Variants in NELL1 observed in about 807,000 individuals in gnomAD.
The protein encoded by NELL1 is protein kinase C-binding protein NELL1.
In NELL1, 76 loss-of-function variants were observed where a neutral mutation model predicts 107.4. That is an observed-to-expected ratio of 0.71 (90% CI 0.59 to 0.86). The LOEUF is 0.86. NELL1 is among the 40% of genes least tolerant of loss of function. NELL1 has a pLI of 0.00. For synonymous variants in NELL1, 353 were observed against 341.2 expected, an observed-to-expected ratio of 1.03 and a Z score of -0.38; for missense variants, 1,024 against 1,005.5, an observed-to-expected ratio of 1.02 and a Z score of -0.25.
intron 15 of NELL1, among the ~76,000 whole-genome samples, chr11:21,520,719 C>A (rs771009595): frequency 6.6e-6 from 1 of 152,108 alleles, no homozygotes; most frequent in Non-Finnish European, 1.5e-5. Flanking sequence ...CATCAGCACC[C>A]GCTTAAGATT....
intron 15 of NELL1, among the ~76,000 whole-genome samples, chr11:21,453,558 T>C (rs1590943931): frequency 6.6e-6 from 1 of 151,920 alleles, no homozygotes; most frequent in Non-Finnish European, 1.5e-5. Flanking sequence ...AATTAGGTCT[T>C]GTTTTTTTTT....
chr11:20,698,117 T>TATAACTTTG (rs1308097084), intron 2 of NELL1, among the ~76,000 whole-genome samples: 1 of 152,186 alleles, frequency 6.6e-6, no homozygotes, highest in Non-Finnish European at 1.5e-5. Flanking sequence ...TTGCATTTAA[T>TATAACTTTG]CAATTAGCCG....
At chr11:21,248,240 G>A (rs1044667168) in intron 14 of NELL1, among the ~76,000 whole-genome samples, 19 of 152,052 alleles carry the variant, frequency 1.2e-4, no homozygotes, top group Non-Finnish European at 2.1e-4. Context: ...CAGCTACTCA[G>A]GAGGCTGACA....
chr11:21,208,242 A>G (rs1565111555), intron 13 of NELL1, among the ~76,000 whole-genome samples: 2 of 151,988 alleles, frequency 1.3e-5, no homozygotes, highest in African/African-American at 4.8e-5. Context: ...AAAACCGTCT[A>G]TTCTTTAGTA....
intron 13 of NELL1, among the ~76,000 whole-genome samples, chr11:21,168,153 G>C (rs1369300553): frequency 3.3e-5 from 5 of 151,668 alleles, no homozygotes; most frequent in Admixed American, 3.3e-4. Flanking sequence ...ATAAGTGAAT[G>C]GTCTCCTAAA....
At chr11:21,491,294 A>G (rs1854801280) in intron 15 of NELL1, among the ~76,000 whole-genome samples, 2 of 152,068 alleles carry the variant, frequency 1.3e-5, no homozygotes, top group Non-Finnish European at 2.9e-5. Context: ...CTGAATGCTA[A>G]TGCCTAGATT....
chr11:21,489,177 A>G (rs990255406), intron 15 of NELL1, among the ~76,000 whole-genome samples: 1 of 152,030 alleles, frequency 6.6e-6, no homozygotes, highest in African/African-American at 2.4e-5. Context: ...CCCAAAACAT[A>G]GAGGAAATGG....
intron 14 of NELL1, among the ~76,000 whole-genome samples, chr11:21,267,189 C>G (rs1848652742): frequency 1.3e-5 from 2 of 151,926 alleles, no homozygotes; most frequent in African/African-American, 4.8e-5. Context: ...ATGAGGCTGT[C>G]CTTACAATCT....
chr11:21,125,451 A>C (rs1252043278), intron 13 of NELL1, among the ~76,000 whole-genome samples: 3 of 152,224 alleles, frequency 2.0e-5, no homozygotes, highest in African/African-American at 7.2e-5. Context: ...TCTTAAAAAA[A>C]AAGGATTATT....
At chr11:20,813,979 ATAAAT>A (rs1252440490) in intron 3 of NELL1, among the ~76,000 whole-genome samples, 1 of 151,322 alleles carries the variant, frequency 6.6e-6, no homozygotes, top group Non-Finnish European at 1.5e-5. Flanking sequence ...TTATTTATAA[ATAAAT>A]TTATTTATTT....
At position 20,783,810 on chromosome 11, in the gene NELL1, C is replaced by T. The variant is rs151036644; in HGVS notation, c.315C>T (p.Ser105=). The T allele has an allele frequency of 5.0e-6, 8 of 1,612,734 alleles. No individual in the cohort carries two copies. In the African/African-American group the frequency reaches 1.1e-4, roughly 22 times the overall value. Residue 105 remains serine, a synonymous_variant, in exon 3 of 20, where the codon TCC becomes TCT. Transcript: ENST00000357134. The part of the protein sequence containing the change: ...QKPSTSGVIL[S]IRELEHSYFE... ...CATCCACTTCAGGAGTGATACTGTC[C>T]ATTCGAGAACTGGAGCACAGGTAAG...
intron 12 of NELL1, among the ~76,000 whole-genome samples, chr11:20,981,982 T>C (rs199893046): frequency 1.3e-4 from 16 of 125,276 alleles, no homozygotes; most frequent in Admixed American, 6.0e-4. Flanking sequence ...CTCTCTCTCT[T>C]TCTCTCTCTT....
intron 15 of NELL1, among the ~76,000 whole-genome samples, chr11:21,462,556 A>G (rs1853924661): frequency 6.6e-6 from 1 of 152,080 alleles, no homozygotes; most frequent in African/African-American, 2.4e-5. Flanking sequence ...AACAGAGGAA[A>G]CTGTATTATC....
chr11:21,442,403 C>G (rs1489163331), intron 15 of NELL1, among the ~76,000 whole-genome samples: 1 of 152,072 alleles, frequency 6.6e-6, no homozygotes, highest in Admixed American at 6.6e-5. Context: ...TAATTTTCCA[C>G]CACCTGGCAC....
intron 14 of NELL1, among the ~76,000 whole-genome samples, chr11:21,350,315 A>G (rs1170808549): frequency 1.3e-5 from 2 of 152,086 alleles, no homozygotes; most frequent in Admixed American, 1.3e-4. Flanking sequence ...AGCACTAGTA[A>G]TGGCTAATAA....
chr11:20,921,046 C>T (rs1850366704), intron 7 of NELL1, among the ~76,000 whole-genome samples: 2 of 152,164 alleles, frequency 1.3e-5, no homozygotes, highest in Admixed American at 1.3e-4. Flanking sequence ...CATTGGCAAA[C>T]TTTTTCTGTA....
chr11:21,291,501 G>A (rs1056373406), intron 14 of NELL1, among the ~76,000 whole-genome samples: 1 of 152,076 alleles, frequency 6.6e-6, no homozygotes, highest in Non-Finnish European at 1.5e-5. Flanking sequence ...GGACAAAGAG[G>A]AGTTAGTACC....
In NELL1 at chr11:21,396,476, A is replaced by G. The variant is rs1851983733; in HGVS notation, c.1645+25528A>G. Among the ~76,000 whole-genome samples the G allele has an allele frequency of 2.6e-5, 4 of 151,680 alleles. No homozygotes were observed. In the Admixed American group the frequency reaches 2.6e-4, roughly 10 times the overall value. ...TTGATAAAGGAAGGACTAAGGAAAT[A>G]CAAGATCTGGCCACAGGGCCATTTA... On this transcript the variant is annotated intron_variant, in intron 15 of 19. Coordinates refer to ENST00000357134, the MANE Select transcript of NELL1 (RefSeq NM_006157.5).
intron 10 of NELL1, among the ~76,000 whole-genome samples, chr11:20,947,035 G>A (rs749946400): frequency 1.5e-4 from 23 of 151,978 alleles, no homozygotes; most frequent in Non-Finnish European, 2.1e-4. Flanking sequence ...AGGCCCCACC[G>A]GACCAAGAGT....
Sources: gnomAD v4.1 joint callset for allele counts (sites outside exome capture counted in the v4.1 genomes callset) on GRCh38, gnomAD v4.1.1 for gene constraint, MANE v1.5 for transcripts, NCBI Gene and HGNC (gene_info 2026-07-23, HGNC 2026-07-21) for gene names.